The following CALN1 variants were observed in gnomAD, a reference collection of about 807,000 sequenced individuals.
CALN1 encodes calneuron 1, also known as calcium-binding protein 8.
Under a neutral mutation model 30.6 loss-of-function variants are expected in CALN1, and 17 were observed. The ratio of observed to expected loss-of-function variants is 0.56; its 90% CI spans 0.38 to 0.83. The LOEUF is 0.83. Ranked by LOEUF, CALN1 falls within the 40% of genes least tolerant of loss-of-function variation. The pLI, the probability that CALN1 is intolerant of heterozygous loss-of-function variation, is 0.00. For missense variants in CALN1, 291 were observed against 354.9 expected, an observed-to-expected ratio of 0.82 and a Z score of 1.45; for synonymous variants, 156 against 131.4, an observed-to-expected ratio of 1.19 and a Z score of -1.28.
chr7:72,091,386 A>G (rs979814529), intron 4 of CALN1, among the ~76,000 whole-genome samples: 1 of 151,420 alleles, frequency 6.6e-6, no homozygotes, highest in Non-Finnish European at 1.5e-5. Context: ...AAAATAACTA[A>G]AAGAGTGCAA....
At chr7:72,484,850 T>C in the CALN1 span, among the ~76,000 whole-genome samples, 1 of 152,210 alleles carries the variant, frequency 6.6e-6, no homozygotes, top group Non-Finnish European at 1.5e-5. Flanking sequence ...TAATGGGCCC[T>C]TCTTCTCTGA....
chr7:71,943,254 CA>C (rs1258157299), intron 5 of CALN1, among the ~76,000 whole-genome samples: 2 of 152,182 alleles, frequency 1.3e-5, no homozygotes, highest in African/African-American at 4.8e-5. Flanking sequence ...TTTTAAAACA[CA>C]CACGCGAAAC....
chr7:72,195,457 C>T (rs1790917799), intron 3 of CALN1, among the ~76,000 whole-genome samples: 1 of 152,184 alleles, frequency 6.6e-6, no homozygotes, highest in Admixed American at 6.5e-5. Flanking sequence ...CTCACTGCAG[C>T]CTTGACTTCC....
At chr7:72,296,541 CCT>C (rs1491478836) in intron 2 of CALN1, among the ~76,000 whole-genome samples, 5 of 149,796 alleles carry the variant, frequency 3.3e-5, no homozygotes, top group Non-Finnish European at 4.5e-5. Context: ...AATTTCAGCT[CCT>C]GTTATTGGTC....
At chr7:72,061,299 C>T (rs374152011) in intron 4 of CALN1, among the ~76,000 whole-genome samples, 103 of 152,238 alleles carry the variant, frequency 6.8e-4, no homozygotes, top group African/African-American at 2.3e-3. Flanking sequence ...AATCACCAGA[C>T]GCTACAGACA....
chr7:72,346,538 C>G (rs983448918), intron 2 of CALN1, among the ~76,000 whole-genome samples: 1 of 151,978 alleles, frequency 6.6e-6, no homozygotes, highest in African/African-American at 2.4e-5. Context: ...TTATTTGAAA[C>G]GAAATTTCAC....
At chr7:72,403,135 T>C in intron 2 of CALN1, 116 bp downstream of exon 2, 1 of 692,992 alleles carries the variant, frequency 1.4e-6, no homozygotes, top group South Asian at 2.0e-5. Flanking sequence ...ATTTCATAGA[T>C]TCTCCTCTCC....
At chr7:71,805,841 A>G (rs560531618) in intron 6 of CALN1, among the ~76,000 whole-genome samples, 25 of 152,320 alleles carry the variant, frequency 1.6e-4, no homozygotes, top group Admixed American at 1.6e-3. Flanking sequence ...AGGAATTGCC[A>G]CACCATTTTC....
At chr7:72,262,497 C>A (rs1432439949) in intron 3 of CALN1, among the ~76,000 whole-genome samples, 4 of 152,108 alleles carry the variant, frequency 2.6e-5, no homozygotes, top group Non-Finnish European at 4.4e-5. Flanking sequence ...TTCAACGTGC[C>A]CTTTTCCTCT....
Position 71,784,186 on chromosome 7 carries a change from A to T in CALN1, c.*3589T>A, listed in dbSNP as rs1447316406. 6.6e-6 allele frequency: 1 copy of T among 152,162 alleles called. No individual in the cohort carries two copies. The highest frequency in any genetic ancestry group is 2.4e-5 in the African/African-American group (1 of 41,448). The allele number at this position is 152,162 out of a possible 1,614,324, so 9.4% of individuals were successfully genotyped here. ...GGGCTGGGAGTAGGGATGGGGAGAT[A>T]CCAGGGCTTACAGGTAGCTCCTGCT... On this transcript the variant is annotated 3_prime_UTR_variant, in exon 7 of 7. Transcript: ENST00000395275.
At chr7:72,222,516 A>G (rs1793380688) in intron 3 of CALN1, among the ~76,000 whole-genome samples, 1 of 152,218 alleles carries the variant, frequency 6.6e-6, no homozygotes, top group Non-Finnish European at 1.5e-5. Context: ...AACCATTCAC[A>G]AGAAGTTTGC....
chr7:72,176,902 A>AT (rs1789397267), intron 3 of CALN1, among the ~76,000 whole-genome samples: 1 of 152,118 alleles, frequency 6.6e-6, no homozygotes, highest in South Asian at 2.1e-4. Context: ...AAGATGGATG[A>AT]TTTTTAGGCT....
At chr7:72,382,149 G>A (rs866895519) in intron 2 of CALN1, among the ~76,000 whole-genome samples, 54 of 152,280 alleles carry the variant, frequency 3.5e-4, no homozygotes, top group African/African-American at 1.2e-3. Context: ...TGCAAGTGTT[G>A]GAGTCAAGTC....
intron 3 of CALN1, among the ~76,000 whole-genome samples, chr7:72,202,079 T>C (rs1337739445): frequency 1.3e-5 from 2 of 152,064 alleles, no homozygotes; most frequent in African/African-American, 4.8e-5. Flanking sequence ...TAAACATCTA[T>C]AGTGAGAGAG....
At chr7:71,841,666 C>A (rs1789946719) in intron 5 of CALN1, among the ~76,000 whole-genome samples, 1 of 152,196 alleles carries the variant, frequency 6.6e-6, no homozygotes, top group South Asian at 2.1e-4. Context: ...GAATACTATG[C>A]AGCCATAGAA....
chr7:71,830,418 G>T (rs538106144), intron 5 of CALN1, among the ~76,000 whole-genome samples: 1 of 152,092 alleles, frequency 6.6e-6, no homozygotes, highest in East Asian at 1.9e-4. Flanking sequence ...TGCGATCTCG[G>T]CTCACTGCAA....
rs188245195 is a variant in CALN1 at position 71,952,005 on chromosome 7, C to T, written c.501+71652G>A. Among the ~76,000 whole-genome samples the T allele has an allele frequency of 3.9e-4, 60 of 152,138 alleles. No individual in the cohort carries two copies. In the East Asian group the frequency reaches 0.01, roughly 26 times the overall value. ...CATCACTTGCCCAAACCAACAGATG[C>T]GGCTGCTGATGGTGGAGGGAGAACC... On this transcript the variant is annotated intron_variant, in intron 5 of 6. Transcript: ENST00000395275.
rs542681428 is a variant in CALN1, at chr7:72,206,416, G to C, written c.244+72270C>G. ...CCTCTTCTTTTGACTGCATAGATTC[G>C]CTGTAATATTACTTCTGCCTCTTAC... On this transcript the variant is annotated intron_variant, in intron 3 of 6. Coordinates refer to ENST00000395275, the MANE Select transcript of CALN1 (RefSeq NM_031468.4). Among the ~76,000 whole-genome samples the C allele has an allele frequency of 2.4e-4, 37 of 152,094 alleles. No individual in the cohort carries two copies. The South Asian group carries it at 6.9e-3, about 28-fold the overall frequency.
At chr7:71,857,695 G>A (rs1791038719) in intron 5 of CALN1, among the ~76,000 whole-genome samples, 2 of 152,190 alleles carry the variant, frequency 1.3e-5, no homozygotes, top group Non-Finnish European at 2.9e-5. Flanking sequence ...CAAGGGCTCT[G>A]CGATCCTTCA....
Sources: allele counts gnomAD v4.1 joint callset (sites outside exome capture counted in the v4.1 genomes callset), GRCh38; gene constraint gnomAD v4.1.1; transcripts MANE v1.5; gene names NCBI Gene and HGNC (gene_info 2026-07-23, HGNC 2026-07-21).